Variants in GNA14 observed in about 807,000 individuals in gnomAD.
GNA14 encodes the protein guanine nucleotide-binding protein subunit alpha-14.
Under a neutral mutation model 42.0 loss-of-function variants are expected in GNA14, and 50 were observed. That is an observed-to-expected ratio of 1.19 (90% CI 0.95 to 1.51). The LOEUF (loss-of-function observed/expected upper bound fraction) is 1.51, where lower values mean the gene tolerates loss of function less well. Ranked by LOEUF, GNA14 falls within the 40% of genes most tolerant of loss-of-function variation. GNA14 has a pLI of 0.00. For synonymous variants in GNA14, 173 were observed against 163.1 expected (o/e 1.06, Z -0.46); for missense variants, 473 against 446.2 (o/e 1.06, Z -0.54).
At chr9:77,494,121 C>T (rs1376566545) in intron 2 of GNA14, among the ~76,000 whole-genome samples, 1 of 151,984 alleles carries the variant, frequency 6.6e-6, no homozygotes, top group Non-Finnish European at 1.5e-5. Flanking sequence ...CGGGGTTTCA[C>T]CACGTTGCCC....
intron 1 of GNA14, among the ~76,000 whole-genome samples, chr9:77,641,099 G>GGGAAGGAAGGAA (rs1157490493): frequency 1.6e-4 from 1 of 6,302 alleles, no homozygotes; most frequent in Non-Finnish European, 3.0e-4. Context: ...GGGGAGGGGG[G>GGGAAGGAAGGAA]GGAAGGAAGG....
At chr9:77,426,593 C>T (rs950066159) in intron 5 of GNA14, among the ~76,000 whole-genome samples, 3 of 152,182 alleles carry the variant, frequency 2.0e-5, no homozygotes, top group Admixed American at 6.5e-5. Flanking sequence ...CATGAGCCAC[C>T]GCGCCTGGCC....
chr9:77,456,784 T>C (rs1023072505), intron 2 of GNA14, among the ~76,000 whole-genome samples: 22 of 152,094 alleles, frequency 1.4e-4, no homozygotes, highest in African/African-American at 4.8e-4. Flanking sequence ...AAATATAATA[T>C]AGTTATTGGA....
chr9:77,542,806 G>C (rs1333958930), intron 1 of GNA14, among the ~76,000 whole-genome samples: 1 of 152,222 alleles, frequency 6.6e-6, no homozygotes, highest in Non-Finnish European at 1.5e-5. Context: ...AATGGTGTTG[G>C]ACTGTGTTCG....
At chr9:77,428,428 A>G (rs979164387) in intron 5 of GNA14, among the ~76,000 whole-genome samples, 4 of 152,206 alleles carry the variant, frequency 2.6e-5, no homozygotes, top group Admixed American at 6.5e-5. Context: ...CTGTGCCACC[A>G]AGGATGAGAA....
intron 1 of GNA14, among the ~76,000 whole-genome samples, chr9:77,568,607 T>C (rs1587833045): frequency 6.6e-6 from 1 of 152,206 alleles, no homozygotes; most frequent in Non-Finnish European, 1.5e-5. Context: ...AATTCGGATC[T>C]GGCAAATCTG....
At chr9:77,430,851 TGTTA>T (rs1835538051) in intron 4 of GNA14, among the ~76,000 whole-genome samples, 2 of 152,226 alleles carry the variant, frequency 1.3e-5, no homozygotes, top group African/African-American at 2.4e-5. Flanking sequence ...TTTACACAGC[TGTTA>T]GTTTGTACAT....
chr9:77,434,379 G>A lies in GNA14; in HGVS notation c.453C>T (p.Asp151=), dbSNP rs1435720844. The change falls in exon 3 of 7, where the codon GAC becomes GAT. Residue 151 remains aspartate (D), a synonymous_variant. Coordinates refer to ENST00000341700, the MANE Select transcript of GNA14 (RefSeq NM_004297.4). ...GGCTCTGTACTCACTATTTGGCAGAGTCCGACAGCTGGTACTCCCTCCTCC... is the reference window on the plus strand; with the variant it reads ...GGCTCTGTACTCACTATTTGGCAGAATCCGACAGCTGGTACTCCCTCCTCC... ...YDRRREYQLS[D]SAKYYLTDID... 5.6e-6 allele frequency: 9 copies of A among 1,613,808 alleles called. No individual in the cohort carries two copies. The highest frequency in any genetic ancestry group is 7.6e-6 in the Non-Finnish European group (9 of 1,179,928).
chr9:77,611,099 C>A (rs562220596), intron 1 of GNA14, among the ~76,000 whole-genome samples: 2 of 152,220 alleles, frequency 1.3e-5, no homozygotes, highest in East Asian at 3.9e-4. Flanking sequence ...TTTTACATTA[C>A]CCTATTCTCA....
intron 1 of GNA14, among the ~76,000 whole-genome samples, chr9:77,542,055 T>G (rs1837667487): frequency 6.6e-6 from 1 of 152,204 alleles, no homozygotes; most frequent in Non-Finnish European, 1.5e-5. Flanking sequence ...TGGGATCTGT[T>G]TCTGGAGAAT....
intron 2 of GNA14, among the ~76,000 whole-genome samples, chr9:77,506,300 A>G (rs1053330010): frequency 1.3e-4 from 19 of 151,242 alleles, no homozygotes; most frequent in Non-Finnish European, 1.6e-4. Flanking sequence ...AAAAAAAAAA[A>G]GAAATGAGAA....
intron 1 of GNA14, among the ~76,000 whole-genome samples, chr9:77,596,301 A>T (rs1823466643): frequency 6.6e-6 from 1 of 152,308 alleles, no homozygotes; most frequent in South Asian, 2.1e-4. Context: ...TGAGCTGATT[A>T]TAACAACTTT....
At chr9:77,566,058 C>G (rs546816234) in intron 1 of GNA14, among the ~76,000 whole-genome samples, 1 of 151,890 alleles carries the variant, frequency 6.6e-6, no homozygotes, top group South Asian at 2.1e-4. Flanking sequence ...AAGCAAAGAA[C>G]TGGCTGGCCC....
At chr9:77,442,678 A>G (rs543629847) in intron 2 of GNA14, among the ~76,000 whole-genome samples, 1 of 152,342 alleles carries the variant, frequency 6.6e-6, no homozygotes, top group African/African-American at 2.4e-5. Flanking sequence ...AATCATGACA[A>G]TCTCAGATAT....
chr9:77,618,782 C>T (rs1012835074), intron 1 of GNA14, among the ~76,000 whole-genome samples: 7 of 145,880 alleles, frequency 4.8e-5, no homozygotes, highest in Admixed American at 6.8e-5. Context: ...TACAGGCGCC[C>T]GCCACTACGC....
chr9:77,639,619 CT>C (rs1824228484), intron 1 of GNA14, among the ~76,000 whole-genome samples: 3 of 152,214 alleles, frequency 2.0e-5, no homozygotes, highest in Non-Finnish European at 2.9e-5. Flanking sequence ...ATATAAGTGT[CT>C]AGCAGCAGCA....
At chr9:77,455,916 C>G (rs1835990558) in intron 2 of GNA14, among the ~76,000 whole-genome samples, 1 of 152,202 alleles carries the variant, frequency 6.6e-6, no homozygotes, top group East Asian at 1.9e-4. Context: ...TGCCCAGCCT[C>G]ACTCTTTCAT....
chr9:77,608,763 T>C (rs1438005696), intron 1 of GNA14, among the ~76,000 whole-genome samples: 1 of 136,060 alleles, frequency 7.3e-6, no homozygotes, highest in Non-Finnish European at 1.6e-5. Context: ...TTAATAATTT[T>C]TTCTAATTTT....
At position 77,566,924 on chromosome 9, in the gene GNA14, A is replaced by G. The variant is rs186625485; in HGVS notation, c.125-37671T>C. On this transcript the variant is annotated intron_variant, in intron 1 of 6. Coordinates refer to ENST00000341700, the MANE Select transcript of GNA14 (RefSeq NM_004297.4). Reference sequence around the variant, plus strand: ...GTCTCAAATGCTACGCTAATTAAAAATAATAATAATTATTTGTATTTGCCA... The same window carrying G: ...GTCTCAAATGCTACGCTAATTAAAAGTAATAATAATTATTTGTATTTGCCA... Among the ~76,000 whole-genome samples, 216 of 152,318 alleles carry G rather than the reference A, an allele frequency of 1.4e-3. 2 individuals are homozygous for G. The highest frequency in any genetic ancestry group is 0.012 in the Admixed American group (186 of 15,280).
Sources: allele counts gnomAD v4.1 joint callset (sites outside exome capture counted in the v4.1 genomes callset), GRCh38; gene constraint gnomAD v4.1.1; transcripts MANE v1.5; gene names NCBI Gene and HGNC (gene_info 2026-07-23, HGNC 2026-07-21).